DACH1: variants seen among roughly 807,000 people sequenced by gnomAD.
The protein encoded by DACH1 is dachshund homolog 1.
In DACH1, 12 loss-of-function variants were observed where a neutral mutation model predicts 54.2. The observed-to-expected ratio is 0.22, with a 90% CI of 0.14 to 0.36. DACH1 has a LOEUF of 0.36. DACH1 is among the 10% of genes least tolerant of loss of function. The pLI, the probability that DACH1 is intolerant of heterozygous loss-of-function variation, is 1.00. For missense variants in DACH1, 805 were observed against 929.8 expected (o/e 0.87, Z 1.75); for synonymous variants, 386 against 366.2 (o/e 1.05, Z -0.62).
chr13:71,461,025 T>A (rs1876024836), intron 10 of DACH1, among the ~76,000 whole-genome samples: 1 of 152,060 alleles, frequency 6.6e-6, no homozygotes, highest in South Asian at 2.1e-4. Context: ...GGTCCTGAAC[T>A]CTTAGGGAAA....
intron 1 of DACH1, among the ~76,000 whole-genome samples, chr13:71,860,978 A>G (rs1482543945): frequency 1.3e-5 from 2 of 151,968 alleles, no homozygotes; most frequent in Non-Finnish European, 2.9e-5. Context: ...TAAATCGCCA[A>G]AGACAAGAGT....
At chr13:71,657,002 GTA>G (rs541587239) in intron 2 of DACH1, among the ~76,000 whole-genome samples, 4 of 132,290 alleles carry the variant, frequency 3.0e-5, no homozygotes, top group African/African-American at 3.2e-5. Flanking sequence ...ACAGGTATGT[GTA>G]TATATATATA....
chr13:71,855,365 T>C (rs1873935084), intron 1 of DACH1, among the ~76,000 whole-genome samples: 1 of 152,040 alleles, frequency 6.6e-6, no homozygotes, highest in Non-Finnish European at 1.5e-5. Flanking sequence ...TTTTGGTGTA[T>C]ACAACATTGA....
At chr13:71,755,710 A>G (rs1885117795) in intron 1 of DACH1, among the ~76,000 whole-genome samples, 1 of 152,192 alleles carries the variant, frequency 6.6e-6, no homozygotes, top group East Asian at 1.9e-4. Flanking sequence ...TACTTTCCCC[A>G]AATTACTATC....
intron 1 of DACH1, among the ~76,000 whole-genome samples, chr13:71,785,403 G>T (rs370711998): frequency 2.2e-4 from 33 of 152,228 alleles, no homozygotes; most frequent in South Asian, 1.2e-3. Flanking sequence ...AGAGCATACC[G>T]TATTCAAATG....
intron 3 of DACH1, among the ~76,000 whole-genome samples, chr13:71,590,111 C>T (rs978544826): frequency 1.3e-5 from 2 of 152,006 alleles, no homozygotes; most frequent in African/African-American, 4.8e-5. Flanking sequence ...TACGGCTGTT[C>T]TTCAGATTAA....
At chr13:71,767,620 C>G (rs1885694392) in intron 1 of DACH1, among the ~76,000 whole-genome samples, 1 of 151,916 alleles carries the variant, frequency 6.6e-6, no homozygotes, top group South Asian at 2.1e-4. Context: ...CATTCATCTC[C>G]AAGACAAAAG....
At chr13:71,448,713 C>A (rs930645686) in intron 10 of DACH1, among the ~76,000 whole-genome samples, 5 of 151,958 alleles carry the variant, frequency 3.3e-5, no homozygotes, top group Non-Finnish European at 5.9e-5. Context: ...TCATGAAATG[C>A]AGATAATAAC....
At chr13:71,599,366 T>A (rs964948051) in intron 3 of DACH1, among the ~76,000 whole-genome samples, 1 of 152,152 alleles carries the variant, frequency 6.6e-6, no homozygotes, top group Admixed American at 6.6e-5. Context: ...GGTTTATGAA[T>A]TATACAACCT....
intron 3 of DACH1, among the ~76,000 whole-genome samples, chr13:71,591,944 AC>A (rs761903985): frequency 2.0e-5 from 3 of 152,174 alleles, no homozygotes; most frequent in Admixed American, 6.5e-5. Flanking sequence ...GCTAGTTAAA[AC>A]AAAAAAAGGG....
intron 3 of DACH1, among the ~76,000 whole-genome samples, chr13:71,606,116 T>C (rs1014990428): frequency 2.0e-5 from 3 of 152,096 alleles, no homozygotes; most frequent in Non-Finnish European, 1.5e-5. Flanking sequence ...AATGATATTC[T>C]AGACTTGCAG....
chr13:71,594,841 T>C (rs545513361), intron 3 of DACH1, among the ~76,000 whole-genome samples: 1 of 152,256 alleles, frequency 6.6e-6, no homozygotes, highest in East Asian at 1.9e-4. Flanking sequence ...CAAATATTAG[T>C]TGTAGGCACT....
intron 3 of DACH1, among the ~76,000 whole-genome samples, chr13:71,629,566 A>G (rs1209447018): frequency 6.6e-6 from 1 of 152,176 alleles, no homozygotes; most frequent in East Asian, 1.9e-4. Flanking sequence ...ACTAAAATCC[A>G]CAGTATTCCT....
intron 2 of DACH1, among the ~76,000 whole-genome samples, chr13:71,672,604 G>T (rs938569149): frequency 6.6e-6 from 1 of 152,016 alleles, no homozygotes; most frequent in African/African-American, 2.4e-5. Flanking sequence ...AAAGGGAAAG[G>T]CTAAAATAAA....
chr13:71,666,941 A>T (rs1290553437), intron 2 of DACH1, among the ~76,000 whole-genome samples: 1 of 152,130 alleles, frequency 6.6e-6, no homozygotes, highest in African/African-American at 2.4e-5. Context: ...ATGCCATTGC[A>T]CTCCATCTTG....
intron 10 of DACH1, among the ~76,000 whole-genome samples, chr13:71,465,631 G>A (rs1234487767): frequency 6.6e-6 from 1 of 151,850 alleles, no homozygotes; most frequent in East Asian, 1.9e-4. Context: ...TGGATAACTT[G>A]CTCCAACTGA....
At chr13:71,722,143 C>T (rs1489500531) in intron 1 of DACH1, among the ~76,000 whole-genome samples, 1 of 152,128 alleles carries the variant, frequency 6.6e-6, no homozygotes, top group Non-Finnish European at 1.5e-5. Context: ...ACAGGTAATA[C>T]AATCAGGATG....
At chr13:71,638,317 A>T (rs1268081268) in intron 2 of DACH1, among the ~76,000 whole-genome samples, 1 of 152,226 alleles carries the variant, frequency 6.6e-6, no homozygotes, top group Admixed American at 6.5e-5. Context: ...GCTATTAGCA[A>T]TATGAATCTA....
intron 2 of DACH1, among the ~76,000 whole-genome samples, chr13:71,655,459 C>A (rs1462642839): frequency 6.6e-6 from 1 of 151,198 alleles, no homozygotes; most frequent in Non-Finnish European, 1.5e-5. Context: ...CAACCTCTGC[C>A]TCCCAGGTTC....
Sources: gnomAD v4.1 joint callset for allele counts (sites outside exome capture counted in the v4.1 genomes callset) on GRCh38, gnomAD v4.1.1 for gene constraint, MANE v1.5 for transcripts, NCBI Gene and HGNC (gene_info 2026-07-23, HGNC 2026-07-21) for gene names.